TENM3: variants seen among roughly 807,000 people sequenced by gnomAD.
TENM3 encodes teneurin-3.
In TENM3, 63 loss-of-function variants were observed where a neutral mutation model predicts 255.1. The observed-to-expected ratio is 0.25, with a 90% confidence interval of 0.20 to 0.30. TENM3 has a LOEUF of 0.30. Ranked by LOEUF, TENM3 falls within the 10% of genes least tolerant of loss-of-function variation. The probability of loss-of-function intolerance (pLI) is 1.00; values close to 1 mark genes in which losing one functional copy is unlikely to be tolerated. For missense variants in TENM3, 2,929 were observed against 3,461.1 expected, an observed-to-expected ratio of 0.85 and a Z score of 3.86; for synonymous variants, 1,306 against 1,322.3, an observed-to-expected ratio of 0.99 and a Z score of 0.27.
intron 3 of TENM3, among the ~76,000 whole-genome samples, chr4:182,438,282 A>G (rs1323993706): frequency 1.3e-5 from 2 of 152,152 alleles, no homozygotes; most frequent in Admixed American, 1.3e-4. Context: ...TTTATTTTGC[A>G]GTGAGTTCAT....
At chr4:182,011,985 A>C in the TENM3 span, among the ~76,000 whole-genome samples, 3 of 152,214 alleles carry the variant, frequency 2.0e-5, no homozygotes, top group African/African-American at 7.2e-5. Flanking sequence ...GGAGAGACCT[A>C]GATAGAGAAG....
intron 6 of TENM3, among the ~76,000 whole-genome samples, chr4:182,667,171 A>G (rs988638371): frequency 8.8e-6 from 1 of 113,036 alleles, no homozygotes; most frequent in African/African-American, 3.2e-5. Flanking sequence ...CAAAGTTACC[A>G]TTTTTTTGTT....
intron 8 of TENM3, 132 bp downstream of exon 8, chr4:182,680,008 T>G (rs1040911362): frequency 9.7e-6 from 8 of 825,314 alleles, no homozygotes; most frequent in Non-Finnish European, 1.3e-5. Context: ...TGAGAATTAT[T>G]TTTAAACCTT....
intron 19 of TENM3, among the ~76,000 whole-genome samples, chr4:182,745,220 A>G (rs1444962211): frequency 6.6e-6 from 1 of 152,232 alleles, no homozygotes; most frequent in Non-Finnish European, 1.5e-5. Flanking sequence ...AGGGTGACCA[A>G]ACCTGGCCCC....
chr4:182,612,746 G>GAC lies in TENM3; in HGVS notation c.749+11607_749+11608dup, dbSNP rs34378103. Reference sequence around the variant, plus strand: ...AAAAGCAGATTTTATAATACACACAGACACACACACACACACACACACAGT... The same window carrying GAC: ...AAAAGCAGATTTTATAATACACACAGACACACACACACACACACACACACAGT... On this transcript the variant is annotated intron_variant, in intron 4 of 27. Transcript: ENST00000511685. 6.3e-3 allele frequency among the ~76,000 whole-genome samples: 955 copies of GAC among 150,872 alleles called. 8 individuals carry two copies. The highest frequency in any genetic ancestry group is 0.019 in the African/African-American group (760 of 41,080).
the TENM3 span, among the ~76,000 whole-genome samples, chr4:181,795,551 A>G: frequency 1.3e-5 from 2 of 152,190 alleles, no homozygotes; most frequent in Non-Finnish European, 2.9e-5. Context: ...CTGATGTGAT[A>G]TGTTGCATTC....
At chr4:182,736,725 A>G in intron 16 of TENM3, 83 bp from the exon 17 acceptor site, 1 of 1,244,228 alleles carries the variant, frequency 8.0e-7, no homozygotes, top group Admixed American at 2.7e-5. Context: ...TCACAAATAT[A>G]GTGAATATGT....
chr4:182,037,878 C>G, the TENM3 span, among the ~76,000 whole-genome samples: 1 of 151,994 alleles, frequency 6.6e-6, no homozygotes, highest in African/African-American at 2.4e-5. Flanking sequence ...GTCACCCAGG[C>G]TGGAATGCAG....
At chr4:182,727,525 T>C (rs1257093787) in intron 13 of TENM3, among the ~76,000 whole-genome samples, 1 of 151,758 alleles carries the variant, frequency 6.6e-6, no homozygotes, top group African/African-American at 2.4e-5. Flanking sequence ...GATAATGTTA[T>C]CAAATGATCA....
chr4:181,747,391 G>A, the TENM3 span, among the ~76,000 whole-genome samples: 1 of 152,014 alleles, frequency 6.6e-6, no homozygotes, highest in African/African-American at 2.4e-5. Context: ...TTCACATACA[G>A]TTGGGAGAAA....
the TENM3 span, among the ~76,000 whole-genome samples, chr4:182,088,957 G>C: frequency 2.0e-5 from 3 of 152,178 alleles, no homozygotes; most frequent in Non-Finnish European, 4.4e-5. Context: ...TTAGAATGTG[G>C]GGCCTTTGGA....
At chr4:181,795,697 G>GA in the TENM3 span, among the ~76,000 whole-genome samples, 1 of 152,282 alleles carries the variant, frequency 6.6e-6, no homozygotes, top group African/African-American at 2.4e-5. Context: ...CAATAATTGA[G>GA]AAAAATATCA....
intron 4 of TENM3, among the ~76,000 whole-genome samples, chr4:182,613,979 A>G (rs918210255): frequency 1.3e-5 from 2 of 152,190 alleles, no homozygotes; most frequent in Non-Finnish European, 2.9e-5. Flanking sequence ...TAGCACATCA[A>G]TTCAAAAGTG....
intron 3 of TENM3, among the ~76,000 whole-genome samples, chr4:182,494,442 T>C (rs1735573198): frequency 6.6e-6 from 1 of 152,184 alleles, no homozygotes; most frequent in Non-Finnish European, 1.5e-5. Flanking sequence ...TTGTTGTTCA[T>C]CTCTTACTGC....
At chr4:181,523,746 C>T in the TENM3 span, among the ~76,000 whole-genome samples, 138 of 152,268 alleles carry the variant, frequency 9.1e-4, no homozygotes, top group Non-Finnish European at 1.5e-3. Context: ...GTTCTTCTCT[C>T]AAGGATCAGA....
chr4:181,749,222 T>G, the TENM3 span, among the ~76,000 whole-genome samples: 1 of 151,342 alleles, frequency 6.6e-6, no homozygotes, highest in Non-Finnish European at 1.5e-5. Flanking sequence ...CCTTTTTGGC[T>G]TTTTTTTTCT....
chr4:182,544,401 GCT>G (rs1741216561), intron 3 of TENM3, among the ~76,000 whole-genome samples: 4 of 139,494 alleles, frequency 2.9e-5, no homozygotes, highest in African/African-American at 1.1e-4. Context: ...TGTGATCTTG[GCT>G]CACTGCAACC....
the TENM3 span, among the ~76,000 whole-genome samples, chr4:182,100,666 TACACATATATATACACACATATATATAC>T: frequency 2.0e-4 from 17 of 83,898 alleles, no homozygotes; most frequent in African/African-American, 7.7e-4. Context: ...TACACATATA[TACACATATATATACACACATATATATAC>T]ACACATATAT....
At chr4:181,847,314 G>T in the TENM3 span, among the ~76,000 whole-genome samples, 1 of 152,168 alleles carries the variant, frequency 6.6e-6, no homozygotes, top group East Asian at 1.9e-4. Context: ...CCTTGCTCTT[G>T]AGGGTCACTA....
Sources: allele counts gnomAD v4.1 joint callset (sites outside exome capture counted in the v4.1 genomes callset), GRCh38; gene constraint gnomAD v4.1.1; transcripts MANE v1.5; gene names NCBI Gene and HGNC (gene_info 2026-07-23, HGNC 2026-07-21).